Variants in RAI14 observed in about 807,000 individuals in gnomAD.
The protein encoded by RAI14 is retinoic acid induced 14, also known as ankycorbin.
RAI14 carries 45 observed loss-of-function variants against 115.4 expected under a neutral mutation model. The observed-to-expected ratio is 0.39, with a 90% CI of 0.31 to 0.50. RAI14 has a LOEUF of 0.50. Ranked by LOEUF, RAI14 falls within the 20% of genes least tolerant of loss-of-function variation. The pLI is 0.85. For synonymous variants in RAI14, 371 were observed against 415.4 expected (o/e 0.89, Z 1.30); for missense variants, 939 against 1,131.2 (o/e 0.83, Z 2.44).
At chr5:34,820,308 G>C (rs2150289195) in intron 13 of RAI14, among the ~76,000 whole-genome samples, 1 of 152,304 alleles carries the variant, frequency 6.6e-6, no homozygotes, top group East Asian at 1.9e-4. Flanking sequence ...AGCTGGGTGT[G>C]GTGGCCCACA....
intron 1 of RAI14, among the ~76,000 whole-genome samples, chr5:34,673,296 T>C (rs1743746715): frequency 6.6e-6 from 1 of 152,096 alleles, no homozygotes; most frequent in African/African-American, 2.4e-5. Context: ...GGAGGACTTA[T>C]GAGGTGAGGC....
In RAI14 at chr5:34,824,078, G is replaced by A. The variant is rs1757192000; in HGVS notation, c.2236G>A (p.Glu746Lys). The part of the protein sequence containing the change: ...VITTLRTAAK[E>K]MEEKISNLKE... ...AACCACGCTGCGGACTGCAGCAAAA[G>A]AGATGGAAGAAAAAATAAGCAATCT... The change falls in exon 15 of 18, where the codon GAG becomes AAG. Residue 746 changes from glutamate (E) to lysine (K), a missense_variant. By Grantham distance (56) the Glu-to-Lys change is moderately conservative. Coordinates refer to ENST00000265109, the MANE Select transcript of RAI14 (RefSeq NM_015577.3). The A allele has an allele frequency of 6.2e-7, 1 of 1,614,178 alleles. No individual in the cohort carries two copies. Among genetic ancestry groups the A allele is most frequent in the South Asian group, 1.1e-5 (1 of 91,060 alleles).
At chr5:34,817,820 G>T (rs971561315) in intron 12 of RAI14, among the ~76,000 whole-genome samples, 2 of 152,138 alleles carry the variant, frequency 1.3e-5, no homozygotes, top group Non-Finnish European at 2.9e-5. Flanking sequence ...GAATGATGCG[G>T]GCAAGGACTG....
rs75594584 is a variant in RAI14, at chr5:34,687,638, G to A, written c.36+683G>A. On this transcript the variant is annotated intron_variant, in intron 2 of 17. Transcript: ENST00000265109. ...CCCCATAAACCCTTCTATGATCCCA[G>A]TCTTGTATTAGCTGCATTCCAGATA... The A allele has an allele frequency of 2.1e-4, 331 of 1,550,546 alleles. No individual in the cohort carries two copies. In the African/African-American group the frequency reaches 4.1e-3, roughly 19 times the overall value.
chr5:34,779,630 G>C (rs1751354209), intron 3 of RAI14, among the ~76,000 whole-genome samples: 1 of 152,160 alleles, frequency 6.6e-6, no homozygotes, highest in Admixed American at 6.5e-5. Flanking sequence ...TTGCTTCAAA[G>C]AGAATAAAAT....
chr5:34,683,981 C>T (rs548314642), intron 1 of RAI14, among the ~76,000 whole-genome samples: 1 of 152,328 alleles, frequency 6.6e-6, no homozygotes, highest in Non-Finnish European at 1.5e-5. Flanking sequence ...CCGGCCTCGG[C>T]CTCCCAAAGT....
At chr5:34,801,539 C>T (rs541680095) in intron 4 of RAI14, among the ~76,000 whole-genome samples, 5 of 152,030 alleles carry the variant, frequency 3.3e-5, no homozygotes, top group East Asian at 3.9e-4. Flanking sequence ...ATCAGGAGTT[C>T]GAGACCAGCC....
intron 1 of RAI14, among the ~76,000 whole-genome samples, chr5:34,660,199 G>A (rs539902408): frequency 1.4e-4 from 21 of 152,028 alleles, no homozygotes; most frequent in Non-Finnish European, 1.9e-4. Context: ...TTGGGAGGCC[G>A]AGGCAGGTGG....
At chr5:34,705,036 C>T (rs983922986) in intron 2 of RAI14, among the ~76,000 whole-genome samples, 15 of 152,280 alleles carry the variant, frequency 9.9e-5, no homozygotes, top group Non-Finnish European at 1.9e-4. Context: ...CCAAGCAATG[C>T]TCCCACCTCA....
rs1038714236 is a variant in RAI14 at position 34,818,701 on chromosome 5, C to T, written c.940-96C>T. The T allele has an allele frequency of 8.4e-6, 8 of 956,982 alleles. No homozygotes were observed. In the African/African-American group the frequency reaches 1.3e-4, roughly 16 times the overall value. 59.3% of individuals were successfully genotyped at this position (956,982 alleles called of 1,614,324 possible). On this transcript the variant is annotated intron_variant, in intron 12 of 17. Coordinates refer to ENST00000265109, the MANE Select transcript of RAI14 (RefSeq NM_015577.3). ...CTTTTCTAGTAGGATCATACCAGAT[C>T]TGCTCTGCGTAAGCTCAAGGAGGAA...
intron 3 of RAI14, among the ~76,000 whole-genome samples, chr5:34,770,947 A>T (rs1161105267): frequency 6.6e-6 from 1 of 152,202 alleles, no homozygotes; most frequent in Non-Finnish European, 1.5e-5. Context: ...GGTGGTCAGG[A>T]TACAAGGCTC....
intron 3 of RAI14, among the ~76,000 whole-genome samples, chr5:34,759,765 G>T (rs187248167): frequency 6.6e-6 from 1 of 152,086 alleles, no homozygotes; most frequent in Non-Finnish European, 1.5e-5. Flanking sequence ...ACCATCCCCC[G>T]TACCTGGTCT....
chr5:34,678,251 C>T (rs1744136537), intron 1 of RAI14, among the ~76,000 whole-genome samples: 1 of 152,140 alleles, frequency 6.6e-6, no homozygotes, highest in African/African-American at 2.4e-5. Flanking sequence ...GTGCCTGCCA[C>T]CACATCCAGC....
chr5:34,830,089 A>G (rs1757871784), intron 17 of RAI14, among the ~76,000 whole-genome samples: 1 of 152,046 alleles, frequency 6.6e-6, no homozygotes, highest in Admixed American at 6.5e-5. Flanking sequence ...GGCTCAAGTG[A>G]TCCTCCCACC....
At chr5:34,829,172 C>T (rs546903264) in intron 16 of RAI14, among the ~76,000 whole-genome samples, 155 of 111,200 alleles carry the variant, frequency 1.4e-3, no homozygotes, top group African/African-American at 4.9e-3. Flanking sequence ...TACACACACA[C>T]ACACATACAC....
intron 2 of RAI14, among the ~76,000 whole-genome samples, chr5:34,703,213 G>T (rs1189735586): frequency 6.6e-6 from 1 of 152,088 alleles, no homozygotes; most frequent in African/African-American, 2.4e-5. Flanking sequence ...TTACAAAATT[G>T]TACATTACAT....
At chr5:34,806,302 G>A (rs1463089859) in intron 5 of RAI14, among the ~76,000 whole-genome samples, 1 of 152,172 alleles carries the variant, frequency 6.6e-6, no homozygotes, top group East Asian at 1.9e-4. Flanking sequence ...AGGGCCTTTT[G>A]TATGTCATGA....
intron 14 of RAI14, among the ~76,000 whole-genome samples, chr5:34,822,599 T>G (rs17522871): frequency 0.091 from 13,386 of 147,388 alleles, 874 homozygotes; most frequent in South Asian, 0.14. Context: ...TACTCTCCCG[T>G]ACCAAAGTTG....
chr5:34,817,902 C>T (rs1756442523), intron 12 of RAI14, among the ~76,000 whole-genome samples: 1 of 152,120 alleles, frequency 6.6e-6, no homozygotes, highest in African/African-American at 2.4e-5. Flanking sequence ...GTGTTGGTTC[C>T]ATAGGTATAC....
Sources: gnomAD v4.1 joint callset for allele counts (sites outside exome capture counted in the v4.1 genomes callset) on GRCh38, gnomAD v4.1.1 for gene constraint, MANE v1.5 for transcripts, NCBI Gene and HGNC (gene_info 2026-07-23, HGNC 2026-07-21) for gene names.